Variants in SEC23A observed in about 807,000 individuals in gnomAD.
The protein encoded by SEC23A is SEC23 homolog A, COPII component, also known as protein transport protein Sec23A.
A neutral mutation model predicts 103.7 loss-of-function variants in SEC23A; 56 were observed. That is an observed-to-expected ratio of 0.54 (90% CI 0.44 to 0.67). The LOEUF (loss-of-function observed/expected upper bound fraction) is 0.67. Among genes scored for constraint, SEC23A ranks in the 30% least tolerant of loss-of-function variants. The pLI is 0.00. For missense variants in SEC23A, 784 were observed against 936.4 expected (o/e 0.84, Z 2.12); for synonymous variants, 281 against 293.0 (o/e 0.96, Z 0.42).
rs4902344 is a variant in SEC23A at position 39,048,487 on chromosome 14, T to A, written c.1737+165A>T. On this transcript the variant is annotated intron_variant, in intron 15 of 19. Coordinates refer to ENST00000307712, the MANE Select transcript of SEC23A (RefSeq NM_006364.4). ...AAATTAGCTCGGCATGGTGGCACACTCCTGTAGTCCTAACTACTCAGGAGG... is the reference window on the plus strand; with the variant it reads ...AAATTAGCTCGGCATGGTGGCACACACCTGTAGTCCTAACTACTCAGGAGG... 0.77 allele frequency among the ~76,000 whole-genome samples: 116,962 copies of A among 151,860 alleles called. 45,406 individuals are homozygous for A. Among genetic ancestry groups the A allele is most frequent in the East Asian group, 0.89 (4,628 of 5,172 alleles).
At position 39,086,757 on chromosome 14, in the gene SEC23A, C is replaced by A. The variant is rs55997577; in HGVS notation, c.683+172G>T. Among the ~76,000 whole-genome samples the A allele has an allele frequency of 0.082, 12,435 of 152,066 alleles. 534 individuals carry two copies. Among genetic ancestry groups the A allele is most frequent in the African/African-American group, 0.12 (4,915 of 41,476 alleles). On this transcript the variant is annotated intron_variant, in intron 6 of 19. Coordinates refer to ENST00000307712, the MANE Select transcript of SEC23A (RefSeq NM_006364.4). The stretch of plus-strand genomic sequence containing the variant: ...TTACATTGTTAAGACAAAAAACAAA[C>A]CATTTTAATGACATGATTTTGACTC...
rs17108778 is a variant in SEC23A, at chr14:39,050,533, G to T, written c.1660-1804C>A. Among the ~76,000 whole-genome samples the T allele has an allele frequency of 6.1e-3, 930 of 152,310 alleles. 9 individuals carry two copies. The highest frequency in any genetic ancestry group is 0.021 in the African/African-American group (863 of 41,572). ...TTTCCTGAGTCAAGTCTGATTAGAT[G>T]AAGTGTTTACCCAGGATGGCTAGCA... is the stretch of plus-strand genomic sequence containing the variant. On this transcript the variant is annotated intron_variant, in intron 14 of 19. Coordinates refer to ENST00000307712, the MANE Select transcript of SEC23A (RefSeq NM_006364.4).
chr14:39,097,488 A>T (rs1028995368), intron 1 of SEC23A, among the ~76,000 whole-genome samples: 4 of 152,216 alleles, frequency 2.6e-5, no homozygotes, highest in Non-Finnish European at 5.9e-5. Context: ...GTGAAGAAAG[A>T]AGAGATATTA....
intron 17 of SEC23A, among the ~76,000 whole-genome samples, chr14:39,041,627 C>T (rs1305655740): frequency 6.6e-6 from 1 of 151,684 alleles, no homozygotes; most frequent in African/African-American, 2.4e-5. Context: ...CCCAGCACTT[C>T]GGGAAGCCAA....
At chr14:39,059,852 T>A (rs1886411439) in intron 13 of SEC23A, among the ~76,000 whole-genome samples, 1 of 152,184 alleles carries the variant, frequency 6.6e-6, no homozygotes, top group Non-Finnish European at 1.5e-5. Flanking sequence ...CCCAATTGTC[T>A]AATAATGGCT....
Position 39,061,825 on chromosome 14 carries a change from A to T in SEC23A, c.1445T>A (p.Val482Glu). 1 of 1,614,080 alleles carries T rather than the reference A, an allele frequency of 6.2e-7. No homozygotes were observed. Among genetic ancestry groups the T allele is most frequent in the East Asian group, 2.2e-5 (1 of 44,878 alleles). ...PQGGRGAIQF[V>E]TQYQHSSGQR... is the part of the protein sequence containing the mutation. ...CCCACTTGAATGCTGATACTGAGTCACAAACTGGATTGCACCACGCCCTCC... is the reference window on the plus strand; with the variant it reads ...CCCACTTGAATGCTGATACTGAGTCTCAAACTGGATTGCACCACGCCCTCC... Residue 482 changes from valine to glutamate, a missense_variant, in exon 13 of 20, where the codon GTG becomes GAG. By Grantham distance (121) the Val-to-Glu change is moderately radical (BLOSUM62 -2). Around this residue, in one of 2 missense-constraint regions of SEC23A, gnomAD observed 683 missense variants for 774.2 expected, o/e 0.88. Transcript: ENST00000307712.
At chr14:39,039,169 A>T in intron 18 of SEC23A, 73 bp from the exon 19 acceptor site, 1 of 1,196,600 alleles carries the variant, frequency 8.4e-7, no homozygotes, top group South Asian at 1.3e-5. Context: ...TAATTATATC[A>T]TGCAAAATCA....
At chr14:39,089,548 C>A (rs530555380) in intron 5 of SEC23A, among the ~76,000 whole-genome samples, 1 of 152,312 alleles carries the variant, frequency 6.6e-6, no homozygotes, top group East Asian at 1.9e-4. Flanking sequence ...CTTTAACTCA[C>A]CCTCTTTAGT....
chr14:39,090,208 C>T (rs1887608411), intron 5 of SEC23A, among the ~76,000 whole-genome samples: 1 of 152,120 alleles, frequency 6.6e-6, no homozygotes, highest in Non-Finnish European at 1.5e-5. Flanking sequence ...TTACATCTGT[C>T]AACTTTATGC....
At chr14:39,042,897 A>T in intron 16 of SEC23A, 25 bp from the exon 17 acceptor site, 2 of 1,495,994 alleles carry the variant, frequency 1.3e-6, no homozygotes, top group Non-Finnish European at 1.9e-6. Flanking sequence ...ACAATGAGAA[A>T]TGAGGAAAAA....
At chr14:39,040,240 C>CA (rs1272428621) in intron 18 of SEC23A, 5 of 164,278 alleles carry the variant, frequency 3.0e-5, no homozygotes, top group African/African-American at 1.2e-4. Context: ...TATGTATCCT[C>CA]AAAATCCTAA....
chr14:39,072,548 C>T lies in SEC23A; in HGVS notation c.1103+1867G>A, dbSNP rs142796638. On this transcript the variant is annotated intron_variant, in intron 9 of 19. Coordinates refer to ENST00000307712, the MANE Select transcript of SEC23A (RefSeq NM_006364.4). ...AGACAATAAGCTGGGCACGGTGGCT[C>T]ACACCTGTAATCCCAGCACTTTGAG... Among the ~76,000 whole-genome samples, 306 of 152,208 alleles carry T rather than the reference C, an allele frequency of 2.0e-3. 1 individual carries two copies. Among genetic ancestry groups the T allele is most frequent in the African/African-American group, 6.9e-3 (287 of 41,502 alleles).
At chr14:39,047,953 C>T (rs1230314611) in intron 15 of SEC23A, among the ~76,000 whole-genome samples, 2 of 152,160 alleles carry the variant, frequency 1.3e-5, no homozygotes, top group African/African-American at 4.8e-5. Flanking sequence ...TTTATCTGGT[C>T]TGGCCCCATA....
Position 39,076,697 on chromosome 14 carries a change from G to T in SEC23A, c.829-604C>A, listed in dbSNP as rs184630659. ...TCCCAGCACTTTGGGAGGCTGAGGCGGGTGGGTCACCTGAGGTCAGGAGTT... is the reference window on the plus strand; with the variant it reads ...TCCCAGCACTTTGGGAGGCTGAGGCTGGTGGGTCACCTGAGGTCAGGAGTT... On this transcript the variant is annotated intron_variant, in intron 7 of 19. Coordinates refer to ENST00000307712, the MANE Select transcript of SEC23A (RefSeq NM_006364.4). Among the ~76,000 whole-genome samples the T allele has an allele frequency of 8.6e-3, 1,302 of 151,986 alleles. 21 individuals are homozygous for T. The highest frequency in any genetic ancestry group is 0.029 in the African/African-American group (1,212 of 41,450).
chr14:39,082,925 T>C (rs1887277417), intron 7 of SEC23A, among the ~76,000 whole-genome samples: 2 of 152,172 alleles, frequency 1.3e-5, no homozygotes, highest in South Asian at 4.1e-4. Flanking sequence ...GGAGGGTAAA[T>C]AGATATAGCC....
At chr14:39,034,642 A>C (rs1885404050) in intron 19 of SEC23A, among the ~76,000 whole-genome samples, 1 of 152,178 alleles carries the variant, frequency 6.6e-6, no homozygotes, top group Non-Finnish European at 1.5e-5. Context: ...TCTCCTAGTC[A>C]AGACAAAATA....
intron 16 of SEC23A, 143 bp from the exon 17 acceptor site, chr14:39,043,015 C>T (rs1239995459): frequency 1.7e-6 from 1 of 598,954 alleles, no homozygotes; most frequent in East Asian, 3.1e-5. Context: ...CTTGCTCTGT[C>T]ACCTAGGCTG....
At chr14:39,047,246 G>A (rs1885870530) in intron 15 of SEC23A, 3 of 345,734 alleles carry the variant, frequency 8.7e-6, no homozygotes, top group Admixed American at 8.6e-5. Flanking sequence ...CAACAAGAAG[G>A]CTTGAGGCAG....
At chr14:39,038,963 C>T (rs1163137368) in intron 19 of SEC23A, 68 bp downstream of exon 19, 13 of 1,345,558 alleles carry the variant, frequency 9.7e-6, no homozygotes, top group South Asian at 7.2e-5. Context: ...AAAAATGTAG[C>T]TTTCACTAAA....
Sources: allele counts gnomAD v4.1 joint callset (sites outside exome capture counted in the v4.1 genomes callset), GRCh38; gene constraint gnomAD v4.1.1; regional missense constraint gnomAD v4.1.1; transcripts MANE v1.5; gene names NCBI Gene and HGNC (gene_info 2026-07-23, HGNC 2026-07-21).